SUGCT: variants seen among roughly 807,000 people sequenced by gnomAD.
SUGCT encodes succinyl-CoA:glutarate-CoA transferase, also known as succinyl-CoA:glutarate CoA-transferase.
In SUGCT, 41 loss-of-function variants were observed where a neutral mutation model predicts 55.0. The ratio of observed to expected loss-of-function variants is 0.74; its 90% CI spans 0.58 to 0.97. SUGCT has a LOEUF of 0.97. Among genes scored for constraint, SUGCT ranks in the 50% least tolerant of loss-of-function variants. The pLI, the probability that SUGCT is intolerant of heterozygous loss-of-function variation, is 0.00. For synonymous variants in SUGCT, 187 were observed against 200.4 expected (o/e 0.93, Z 0.56); for missense variants, 568 against 547.8 (o/e 1.04, Z -0.37).
At chr7:40,468,625 A>G (rs1029824064) in intron 11 of SUGCT, among the ~76,000 whole-genome samples, 2 of 151,934 alleles carry the variant, frequency 1.3e-5, no homozygotes, top group Non-Finnish European at 2.9e-5. Context: ...TATGTAATAC[A>G]GTTTAGAAGG....
chr7:40,469,013 C>T (rs894263248), intron 11 of SUGCT, among the ~76,000 whole-genome samples: 10 of 152,058 alleles, frequency 6.6e-5, no homozygotes, highest in South Asian at 4.1e-4. Context: ...CTTTTAAATC[C>T]GATGAATTCC....
chr7:40,347,444 T>C (rs1163903978), intron 9 of SUGCT, among the ~76,000 whole-genome samples: 1 of 152,214 alleles, frequency 6.6e-6, no homozygotes, highest in Non-Finnish European at 1.5e-5. Context: ...ATGAAACTGG[T>C]TATTTAGCTT....
the SUGCT span, among the ~76,000 whole-genome samples, chr7:40,976,997 A>G: frequency 6.6e-6 from 1 of 152,212 alleles, no homozygotes; most frequent in African/African-American, 2.4e-5. Context: ...GTTCAAGTAA[A>G]GGCCTTCCCC....
intron 12 of SUGCT, among the ~76,000 whole-genome samples, chr7:40,530,475 T>A (rs1794025238): frequency 6.6e-6 from 1 of 152,234 alleles, no homozygotes; most frequent in African/African-American, 2.4e-5. Context: ...AAGAGCATGC[T>A]TACAATTTAG....
At chr7:40,665,271 G>C (rs1040085526) in intron 12 of SUGCT, among the ~76,000 whole-genome samples, 1 of 150,400 alleles carries the variant, frequency 6.6e-6, no homozygotes, top group Non-Finnish European at 1.5e-5. Flanking sequence ...AAACCCTGTC[G>C]CTACTAAAAA....
chr7:40,235,390 T>C (rs1257798385), intron 6 of SUGCT, among the ~76,000 whole-genome samples: 3 of 152,128 alleles, frequency 2.0e-5, no homozygotes, highest in African/African-American at 4.8e-5. Context: ...TGCAGTGGCA[T>C]GAACTTGGCT....
At chr7:40,903,670 G>A in the SUGCT span, among the ~76,000 whole-genome samples, 1 of 152,250 alleles carries the variant, frequency 6.6e-6, no homozygotes, top group Admixed American at 6.5e-5. Flanking sequence ...AGAAAGACGA[G>A]TTCTTTCATC....
intron 12 of SUGCT, among the ~76,000 whole-genome samples, chr7:40,515,655 C>A (rs1793192328): frequency 6.6e-6 from 1 of 152,136 alleles, no homozygotes; most frequent in African/African-American, 2.4e-5. Context: ...TACTTCATTC[C>A]TTTATATGGC....
At chr7:40,764,676 A>C (rs1279836055) in intron 13 of SUGCT, among the ~76,000 whole-genome samples, 1 of 152,222 alleles carries the variant, frequency 6.6e-6, no homozygotes, top group Non-Finnish European at 1.5e-5. Flanking sequence ...CCCAAAGATT[A>C]TATTTGTTAA....
the SUGCT span, among the ~76,000 whole-genome samples, chr7:40,995,728 A>G: frequency 6.6e-6 from 1 of 152,134 alleles, no homozygotes; most frequent in African/African-American, 2.4e-5. Flanking sequence ...GAGAACTTAA[A>G]ACCTTACAGC....
chr7:40,553,661 C>G (rs1462199561), intron 12 of SUGCT, among the ~76,000 whole-genome samples: 2 of 152,148 alleles, frequency 1.3e-5, no homozygotes, highest in Non-Finnish European at 2.9e-5. Context: ...TAGACACTTT[C>G]CACACCATCT....
At chr7:40,766,418 C>T (rs913124944) in intron 13 of SUGCT, among the ~76,000 whole-genome samples, 4 of 152,142 alleles carry the variant, frequency 2.6e-5, no homozygotes, top group Admixed American at 1.3e-4. Flanking sequence ...CCATGTTGAC[C>T]AGGCTGGTCT....
chr7:40,699,993 T>C (rs1785107637), intron 12 of SUGCT, among the ~76,000 whole-genome samples: 1 of 135,126 alleles, frequency 7.4e-6, no homozygotes, highest in South Asian at 2.2e-4. Flanking sequence ...CCTGAAACTT[T>C]TTTCCCCTTT....
intron 9 of SUGCT, among the ~76,000 whole-genome samples, chr7:40,423,508 T>A (rs1477747360): frequency 6.6e-6 from 1 of 152,184 alleles, no homozygotes; most frequent in Non-Finnish European, 1.5e-5. Context: ...TAAAAATCTT[T>A]TTCCAAATGG....
chr7:40,955,865 T>TCCC, the SUGCT span, among the ~76,000 whole-genome samples: 4 of 152,206 alleles, frequency 2.6e-5, no homozygotes, highest in Non-Finnish European at 5.9e-5. Flanking sequence ...TCAAAGGCTT[T>TCCC]TTCTGCATCT....
chr7:40,648,741 C>T (rs993907249), intron 12 of SUGCT, among the ~76,000 whole-genome samples: 3 of 152,188 alleles, frequency 2.0e-5, no homozygotes, highest in Non-Finnish European at 2.9e-5. Flanking sequence ...GTTATTGCTA[C>T]TTTATTTCAT....
At chr7:40,839,970 A>C (rs966161405) in intron 13 of SUGCT, among the ~76,000 whole-genome samples, 4 of 151,210 alleles carry the variant, frequency 2.6e-5, no homozygotes, top group Middle Eastern at 3.2e-3. Flanking sequence ...TCTGTTTTCA[A>C]AAAAAAAAGA....
intron 9 of SUGCT, among the ~76,000 whole-genome samples, chr7:40,426,986 AT>A: frequency 6.6e-6 from 1 of 152,002 alleles, no homozygotes; most frequent in East Asian, 1.9e-4. Context: ...ATTTTTAAAC[AT>A]TTTTTGAGAC....
At chr7:40,222,916 C>T (rs954225083) in intron 6 of SUGCT, among the ~76,000 whole-genome samples, 2 of 152,130 alleles carry the variant, frequency 1.3e-5, no homozygotes, top group African/African-American at 4.8e-5. Context: ...GCATAAGCTA[C>T]CATGCCTGGC....
Sources: gnomAD v4.1 joint callset for allele counts (sites outside exome capture counted in the v4.1 genomes callset) on GRCh38, gnomAD v4.1.1 for gene constraint, MANE v1.5 for transcripts, NCBI Gene and HGNC (gene_info 2026-07-23, HGNC 2026-07-21) for gene names.